The following LRRC74A variants were observed in gnomAD, a reference collection of about 807,000 sequenced individuals.
LRRC74A encodes leucine rich repeat containing 74A.
A neutral mutation model predicts 57.9 loss-of-function variants in LRRC74A; 44 were observed. The ratio of observed to expected loss-of-function variants is 0.76; its 90% CI spans 0.60 to 0.98. The LOEUF is 0.98. Ranked by LOEUF, LRRC74A falls within the 50% of genes least tolerant of loss-of-function variation. The probability of loss-of-function intolerance (pLI) is 0.00; values close to 1 mark genes in which losing one functional copy is unlikely to be tolerated. For missense variants in LRRC74A, 572 were observed against 574.0 expected, an observed-to-expected ratio of 1.00 and a Z score of 0.04; for synonymous variants, 211 against 219.4, an observed-to-expected ratio of 0.96 and a Z score of 0.34.
chr14:76,827,893 G>A (rs538973643), intron 1 of LRRC74A, among the ~76,000 whole-genome samples: 2 of 151,614 alleles, frequency 1.3e-5, no homozygotes, highest in Admixed American at 6.6e-5. Flanking sequence ...GGCACCATTT[G>A]TGCCTGACAA....
intron 5 of LRRC74A, among the ~76,000 whole-genome samples, chr14:76,839,258 T>C (rs1896583103): frequency 1.3e-5 from 2 of 152,252 alleles, no homozygotes; most frequent in Non-Finnish European, 2.9e-5. Flanking sequence ...ACTTAACAAC[T>C]GATTTCCAAA....
At chr14:76,853,839 G>A (rs957376440) in intron 9 of LRRC74A, among the ~76,000 whole-genome samples, 12 of 151,996 alleles carry the variant, frequency 7.9e-5, no homozygotes, top group African/African-American at 2.9e-4. Flanking sequence ...TGCAACCTCC[G>A]CCTCCCAGGT....
At chr14:76,829,513 G>A (rs1895822836) in intron 2 of LRRC74A, among the ~76,000 whole-genome samples, 1 of 152,166 alleles carries the variant, frequency 6.6e-6, no homozygotes, top group African/African-American at 2.4e-5. Flanking sequence ...GACAACACTG[G>A]ATGTTTGGCC....
chr14:76,859,479 A>C (rs1259410310), intron 10 of LRRC74A, among the ~76,000 whole-genome samples: 1 of 150,572 alleles, frequency 6.6e-6, no homozygotes, highest in East Asian at 2.0e-4. Flanking sequence ...GGTTGTGATA[A>C]GCCAAGATTG....
At chr14:76,864,177 T>C (rs1335124921) in intron 11 of LRRC74A, among the ~76,000 whole-genome samples, 2 of 152,026 alleles carry the variant, frequency 1.3e-5, no homozygotes, top group East Asian at 1.9e-4. Context: ...GATGTGTTGA[T>C]TGAAGTGCCG....
At chr14:76,841,334 G>A (rs1896754919) in intron 5 of LRRC74A, among the ~76,000 whole-genome samples, 1 of 152,236 alleles carries the variant, frequency 6.6e-6, no homozygotes, top group South Asian at 2.1e-4. Flanking sequence ...GAGCCACTGT[G>A]CCCAGCCAAT....
At chr14:76,864,798 G>A (rs1445167199) in intron 11 of LRRC74A, among the ~76,000 whole-genome samples, 1 of 152,172 alleles carries the variant, frequency 6.6e-6, no homozygotes, top group Non-Finnish European at 1.5e-5. Context: ...AGGTTGCAGT[G>A]AGCCGAGATC....
In LRRC74A at chr14:76,826,564, C is replaced by T. The variant is rs1348669426; in HGVS notation, c.-134C>T. On this transcript the variant is annotated 5_prime_UTR_variant, in exon 1 of 14. Coordinates refer to ENST00000689127, the MANE Select transcript of LRRC74A (RefSeq NM_001385106.1). Reference sequence around the variant, plus strand: ...GCTGGGAGGGAAGGATAACTGCAGGCTCCCCTGGGATGCCCCCAGGTGAGG... The same window carrying T: ...GCTGGGAGGGAAGGATAACTGCAGGTTCCCCTGGGATGCCCCCAGGTGAGG... The T allele has an allele frequency of 6.2e-7, 1 of 1,612,666 alleles. No homozygotes were observed. The highest frequency in any genetic ancestry group is 8.5e-7 in the Non-Finnish European group (1 of 1,179,412).
intron 12 of LRRC74A, among the ~76,000 whole-genome samples, chr14:76,866,851 A>C (rs1463276386): frequency 6.7e-6 from 1 of 149,554 alleles, no homozygotes; most frequent in African/African-American, 2.5e-5. Context: ...ATGCTGTGGA[A>C]TCAGTTTCCC....
chr14:76,831,724 C>T (rs1309008827), intron 3 of LRRC74A, among the ~76,000 whole-genome samples: 1 of 152,132 alleles, frequency 6.6e-6, no homozygotes, highest in East Asian at 1.9e-4. Flanking sequence ...AAAATGCCAG[C>T]CTGGGTCTTC....
intron 1 of LRRC74A, 57 bp from the exon 2 acceptor site, chr14:76,828,234 A>G (rs934913224): frequency 1.9e-6 from 3 of 1,542,820 alleles, no homozygotes; most frequent in East Asian, 4.5e-5. Context: ...GGCAGGCTTT[A>G]TTGGGAGGCC....
At chr14:76,849,837 C>T (rs1897324685) in intron 7 of LRRC74A, among the ~76,000 whole-genome samples, 1 of 150,552 alleles carries the variant, frequency 6.6e-6, no homozygotes, top group African/African-American at 2.4e-5. Flanking sequence ...AAAAAAAAAC[C>T]CAACACTTAT....
chr14:76,869,973 G>C (rs949544212), intron 13 of LRRC74A, among the ~76,000 whole-genome samples, 152 bp from the exon 14 acceptor site: 29 of 152,146 alleles, frequency 1.9e-4, no homozygotes, highest in African/African-American at 6.8e-4. Context: ...CATGTGTAGT[G>C]GGGGAGATAT....
At chr14:76,831,163 G>T (rs1203025045) in intron 2 of LRRC74A, 40 bp from the exon 3 acceptor site, 16 of 1,606,434 alleles carry the variant, frequency 1.0e-5, no homozygotes, top group Non-Finnish European at 1.3e-5. Context: ...GAAGGCAAAG[G>T]TGGAAGAGAA....
chr14:76,855,731 T>A (rs1258780668), intron 9 of LRRC74A, among the ~76,000 whole-genome samples: 1 of 152,190 alleles, frequency 6.6e-6, no homozygotes, highest in East Asian at 1.9e-4. Flanking sequence ...CTGGAGTACA[T>A]CAGAGCCTGG....
rs574535353 is a variant in LRRC74A, at chr14:76,836,327, C to T, written c.447+13C>T. On this transcript the variant is annotated intron_variant, in intron 4 of 13. Transcript: ENST00000689127. Reference sequence around the variant, plus strand: ...CCTCCAGGAGATGGTACTGTGCCCCCCTGTGCTGGCTCTTACCATCATCCC... The same window carrying T: ...CCTCCAGGAGATGGTACTGTGCCCCTCTGTGCTGGCTCTTACCATCATCCC... The T allele has an allele frequency of 1.2e-5, 19 of 1,562,800 alleles. No individual in the cohort carries two copies. Among genetic ancestry groups the T allele is most frequent in the Admixed American group, 1.0e-4 (6 of 58,600 alleles).
At chr14:76,856,504 CTGGATGGATGGA>C (rs35536797) in intron 9 of LRRC74A, among the ~76,000 whole-genome samples, 10,760 of 145,632 alleles carry the variant, frequency 0.074, 723 homozygotes, top group African/African-American at 0.18. Context: ...TTAATATGTG[CTGGATGGATGGA>C]TGGATGGATG....
At chr14:76,860,057 A>G (rs1256293614) in intron 10 of LRRC74A, among the ~76,000 whole-genome samples, 3 of 152,158 alleles carry the variant, frequency 2.0e-5, no homozygotes, top group African/African-American at 7.2e-5. Flanking sequence ...AGATGCTCCT[A>G]GAACTTTCTC....
chr14:76,853,157 T>G, intron 8 of LRRC74A, 59 bp from the exon 9 acceptor site: 1 of 1,495,072 alleles, frequency 6.7e-7, no homozygotes, highest in Non-Finnish European at 9.3e-7. Context: ...CGGGACCCTT[T>G]TGGTTGGATG....
Sources: allele counts gnomAD v4.1 joint callset (sites outside exome capture counted in the v4.1 genomes callset), GRCh38; gene constraint gnomAD v4.1.1; transcripts MANE v1.5; gene names NCBI Gene and HGNC (gene_info 2026-07-23, HGNC 2026-07-21).